Variants in TNFSF10 observed in about 807,000 individuals in gnomAD.
The protein encoded by TNFSF10 is TNF superfamily member 10, also known as tumor necrosis factor ligand superfamily member 10.
Under a neutral mutation model 29.5 loss-of-function variants are expected in TNFSF10, and 13 were observed. The ratio of observed to expected loss-of-function variants is 0.44; its 90% CI spans 0.29 to 0.70. The LOEUF is 0.70. Among genes scored for constraint, TNFSF10 ranks in the 30% least tolerant of loss-of-function variants. The pLI is 0.13. For missense variants in TNFSF10, 345 were observed against 330.9 expected (o/e 1.04, Z -0.33); for synonymous variants, 111 against 112.8 (o/e 0.98, Z 0.10).
chr3:172,514,681 C>T (rs918115496), intron 2 of TNFSF10, among the ~76,000 whole-genome samples, 180 bp downstream of exon 2: 2 of 152,190 alleles, frequency 1.3e-5, no homozygotes, highest in African/African-American at 4.8e-5. Flanking sequence ...CCCTTTGCTG[C>T]TATGCCCCAT....
At chr3:172,508,937 G>GAAATT (rs999473562) in intron 4 of TNFSF10, among the ~76,000 whole-genome samples, 5 of 116,572 alleles carry the variant, frequency 4.3e-5, no homozygotes, top group Non-Finnish European at 8.8e-5. Flanking sequence ...GAAAGAGCGA[G>GAAATT]AAATTACTCT....
intron 3 of TNFSF10, among the ~76,000 whole-genome samples, chr3:172,510,578 G>T (rs1713179982): frequency 6.6e-6 from 1 of 152,150 alleles, no homozygotes; most frequent in South Asian, 2.1e-4. Context: ...AGGTACCATG[G>T]ATATATCTTG....
In TNFSF10 at chr3:172,516,735, C is replaced by T. The variant is rs80201849; in HGVS notation, c.133-1737G>A. Among the ~76,000 whole-genome samples, 6 of 152,290 alleles carry T rather than the reference C, an allele frequency of 3.9e-5. No homozygotes were observed. In the East Asian group the frequency reaches 1.2e-3, roughly 29 times the overall value. ...CTTAGGTACATTTCCTTGCCCCTGC[C>T]TGCCCCACCTGTAAACATCCAGTTG... On this transcript the variant is annotated intron_variant, in intron 1 of 4. Transcript: ENST00000241261.
intron 2 of TNFSF10, among the ~76,000 whole-genome samples, chr3:172,512,081 G>T (rs2241063): frequency 0.18 from 27,534 of 152,150 alleles, 3,312 homozygotes; most frequent in East Asian, 0.42. Context: ...CTGGGTAGCA[G>T]AGCCCAGGGG....
chr3:172,515,687 A>T (rs1713399259), intron 1 of TNFSF10, among the ~76,000 whole-genome samples: 1 of 152,114 alleles, frequency 6.6e-6, no homozygotes, highest in African/African-American at 2.4e-5. Context: ...ATTGAAAGTA[A>T]ACAATGGCAA....
At chr3:172,509,194 C>T in intron 4 of TNFSF10, 23 bp downstream of exon 4, 1 of 1,583,986 alleles carries the variant, frequency 6.3e-7, no homozygotes, top group Non-Finnish European at 8.6e-7. Context: ...TCCCTTAAGT[C>T]ACTTATTTGT....
Position 172,506,246 on chromosome 3 carries a change from A to G in TNFSF10, c.*246T>C, listed in dbSNP as rs897804515. Reference sequence around the variant, plus strand: ...TCTAGATTTCTGCTAGCAAACTGATATGAGGTAGAGTCCTGAAAGATCTTT... The same window carrying G: ...TCTAGATTTCTGCTAGCAAACTGATGTGAGGTAGAGTCCTGAAAGATCTTT... On this transcript the variant is annotated 3_prime_UTR_variant, in exon 5 of 5. Transcript: ENST00000241261. 2 of 431,130 alleles carry G rather than the reference A, an allele frequency of 4.6e-6. No individual in the cohort carries two copies. The highest frequency in any genetic ancestry group is 4.1e-5 in the African/African-American group (2 of 48,384). 26.7% of individuals were successfully genotyped at this position (431,130 alleles called of 1,614,324 possible). A position where few individuals can be genotyped will look rare whatever the true frequency, so the allele number is the denominator to read the frequency against.
chr3:172,506,960 A>G lies in TNFSF10; in HGVS notation c.419-41T>C. 2.1e-6 allele frequency: 3 copies of G among 1,457,562 alleles called. No homozygotes were observed. In the South Asian group the frequency reaches 4.0e-5, roughly 20 times the overall value. 90.3% of individuals were successfully genotyped at this position (1,457,562 alleles called of 1,614,324 possible). On this transcript the variant is annotated intron_variant, in intron 4 of 4. Transcript: ENST00000241261. ...AGAGAAAGAGCGTTAACAGAAGGGA[A>G]TTTGTAGCAAAGCAAGGAGCTTTTT... is the stretch of plus-strand genomic sequence containing the variant.
chr3:172,511,762 C>A, intron 2 of TNFSF10, 103 bp from the exon 3 acceptor site: 3 of 926,338 alleles, frequency 3.2e-6, no homozygotes, highest in Middle Eastern at 3.2e-4. Flanking sequence ...GAAATTTCTA[C>A]ATGCATTATC....
chr3:172,510,255 A>C (rs1713168453), intron 3 of TNFSF10, among the ~76,000 whole-genome samples: 1 of 152,172 alleles, frequency 6.6e-6, no homozygotes, highest in Non-Finnish European at 1.5e-5. Flanking sequence ...TGAGAGTTTG[A>C]GATTAGCCTG....
chr3:172,514,222 A>G (rs1713343195), intron 2 of TNFSF10, among the ~76,000 whole-genome samples: 2 of 152,386 alleles, frequency 1.3e-5, no homozygotes, highest in South Asian at 4.1e-4. Context: ...TGCCACATTT[A>G]GTAAAATAAA....
chr3:172,523,088 A>T (rs1713775361), intron 1 of TNFSF10, among the ~76,000 whole-genome samples, 165 bp downstream of exon 1: 1 of 152,216 alleles, frequency 6.6e-6, no homozygotes, highest in Non-Finnish European at 1.5e-5. Flanking sequence ...TTGAACTTAC[A>T]GTTTTGCAAA....
At chr3:172,514,454 A>G (rs1713350489) in intron 2 of TNFSF10, among the ~76,000 whole-genome samples, 1 of 152,122 alleles carries the variant, frequency 6.6e-6, no homozygotes, top group Admixed American at 6.5e-5. Flanking sequence ...AATTCCAGAC[A>G]TCAGCAATGT....
intron 1 of TNFSF10, chr3:172,517,217 A>G (rs1713472149): frequency 1.7e-6 from 1 of 586,392 alleles, no homozygotes; most frequent in Non-Finnish European, 2.1e-6. Flanking sequence ...CAACTTATCA[A>G]CTGAGGTGGA....
rs1230324635 is a variant in TNFSF10 at position 172,506,662 on chromosome 3, C to T, written c.676G>A (p.Ala226Thr). ...TCTTTAGACCAACAACTATTTCTAG[C>T]ACTTTTCATCAACAATATAGGGTCA... ...YPDPILLMKS[A>T]RNSCWSKDAE... The change falls in exon 5 of 5, where the codon GCT (alanine) becomes ACT (threonine). Residue 226 changes from alanine to threonine, a missense_variant. Transcript: ENST00000241261. 1.9e-6 allele frequency: 3 copies of T among 1,614,078 alleles called. No homozygotes were observed. In the African/African-American group the frequency reaches 4.0e-5, roughly 22 times the overall value.
At chr3:172,522,386 T>C in intron 1 of TNFSF10, 20 of 1,500,588 alleles carry the variant, frequency 1.3e-5, no homozygotes, top group Non-Finnish European at 1.8e-5. Context: ...ATTTAAAGGC[T>C]GTTGCTACTG....
intron 2 of TNFSF10, among the ~76,000 whole-genome samples, chr3:172,513,486 G>A (rs957899452): frequency 2.0e-5 from 3 of 152,196 alleles, no homozygotes; most frequent in Non-Finnish European, 4.4e-5. Context: ...CTGGAGCAAT[G>A]CCGCCAGGGC....
At chr3:172,509,604 A>G (rs1273019955) in intron 3 of TNFSF10, among the ~76,000 whole-genome samples, 2 of 152,248 alleles carry the variant, frequency 1.3e-5, no homozygotes, top group African/African-American at 4.8e-5. Context: ...AAGATACAAC[A>G]AAGTGAAGAT....
chr3:172,522,200 A>C, intron 1 of TNFSF10: 1 of 409,702 alleles, frequency 2.4e-6, no homozygotes, highest in Non-Finnish European at 4.6e-6. Flanking sequence ...CCAGAACTTA[A>C]AGTAAAATAA....
Sources: allele counts gnomAD v4.1 joint callset (sites outside exome capture counted in the v4.1 genomes callset), GRCh38; gene constraint gnomAD v4.1.1; transcripts MANE v1.5; gene names NCBI Gene and HGNC (gene_info 2026-07-23, HGNC 2026-07-21).